SLC30A10: variants seen among roughly 807,000 people sequenced by gnomAD.
The protein encoded by SLC30A10 is solute carrier family 30 member 10.
In SLC30A10, 8 loss-of-function variants were observed where a neutral mutation model predicts 21.7. That is an observed-to-expected ratio of 0.37 (90% CI 0.22 to 0.67). The LOEUF is 0.67. SLC30A10 is among the 30% of genes least tolerant of loss of function. The probability of loss-of-function intolerance (pLI) is 0.58; values close to 1 mark genes in which losing one functional copy is unlikely to be tolerated. For missense variants in SLC30A10, 521 were observed against 642.5 expected (o/e 0.81, Z 2.04); for synonymous variants, 272 against 279.4 (o/e 0.97, Z 0.26).
chr1:219,946,010 A>C (rs1571812097), intron 1 of SLC30A10, among the ~76,000 whole-genome samples: 1 of 152,298 alleles, frequency 6.6e-6, no homozygotes, highest in Middle Eastern at 3.4e-3. Flanking sequence ...TTGTGGTTTT[A>C]CTTGCCTTTG....
chr1:219,921,599 A>G (rs1257902826), intron 2 of SLC30A10, among the ~76,000 whole-genome samples: 2 of 152,216 alleles, frequency 1.3e-5, no homozygotes, highest in East Asian at 1.9e-4. Flanking sequence ...ATTGCAACAA[A>G]TAATTCATGG....
intron 2 of SLC30A10, among the ~76,000 whole-genome samples, chr1:219,921,959 C>CAG (rs1385142751): frequency 7.8e-6 from 1 of 128,852 alleles, no homozygotes; most frequent in Non-Finnish European, 1.6e-5. Flanking sequence ...GAGAGAGAGA[C>CAG]AGAGAGAGAG....
chr1:219,953,624 G>C (rs913620245), intron 1 of SLC30A10, among the ~76,000 whole-genome samples: 1 of 151,288 alleles, frequency 6.6e-6, no homozygotes, highest in Non-Finnish European at 1.5e-5. Flanking sequence ...AAAAAGAAAA[G>C]AAAGAAAGAA....
chr1:219,920,229 C>A (rs1487145617), intron 2 of SLC30A10, among the ~76,000 whole-genome samples: 1 of 152,090 alleles, frequency 6.6e-6, no homozygotes, highest in Non-Finnish European at 1.5e-5. Flanking sequence ...CTCCCAACAC[C>A]CCACCCCCAA....
chr1:219,915,646 G>A lies in SLC30A10; in HGVS notation c.1261C>T (p.Pro421Ser), dbSNP rs977992336. 6.2e-7 allele frequency: 1 copy of A among 1,614,262 alleles called. No individual in the cohort carries two copies. Among genetic ancestry groups the A allele is most frequent in the South Asian group, 1.1e-5 (1 of 91,092 alleles). Reference sequence around the variant, plus strand: ...GCACAGCCATTGACGTGAGCCAGAGGCAGTGCCCCGGGGGGACAACACAGC... The same window carrying A: ...GCACAGCCATTGACGTGAGCCAGAGACAGTGCCCCGGGGGGACAACACAGC... ...KQLCCPPGAL[P>S]LAHVNGCAEH... Residue 421 changes from proline (P) to serine (S), a missense_variant, in exon 4 of 4, where the codon CCT becomes TCT. Physicochemically the swap from Pro to Ser is moderately conservative, Grantham distance 74 (BLOSUM62 -1). Coordinates refer to ENST00000366926, the MANE Select transcript of SLC30A10 (RefSeq NM_018713.3).
chr1:219,921,345 A>G (rs544943482), intron 2 of SLC30A10, among the ~76,000 whole-genome samples: 139 of 152,306 alleles, frequency 9.1e-4, no homozygotes, highest in Middle Eastern at 3.4e-3. Context: ...CACAGAATAC[A>G]TAAGTAACTT....
upstream of SLC30A10, among the ~76,000 whole-genome samples, chr1:219,958,978 A>T (rs1291988224): frequency 6.6e-6 from 1 of 152,208 alleles, no homozygotes; most frequent in African/African-American, 2.4e-5. Context: ...AACGACGCAC[A>T]TGAGGATTAA....
chr1:219,912,690 C>T lies in SLC30A10; in HGVS notation c.*2759G>A, dbSNP rs1458340038. On this transcript the variant is annotated 3_prime_UTR_variant, in exon 4 of 4. Transcript: ENST00000366926. ...TCTACTAAAAATACAAAAAATTAGC[C>T]GGGCATGGTGGCGAGCACCTGTAAT... Among the ~76,000 whole-genome samples the T allele has an allele frequency of 2.0e-5, 3 of 151,354 alleles. No homozygotes were observed. Among genetic ancestry groups the T allele is most frequent in the Non-Finnish European group, 2.9e-5 (2 of 67,830 alleles).
chr1:219,929,488 G>T (rs74414277), upstream of SLC30A10, among the ~76,000 whole-genome samples: 6,321 of 151,726 alleles, frequency 0.042, 313 homozygotes, highest in African/African-American at 0.12. Flanking sequence ...CAGTACAATC[G>T]ACTGACCTAC....
chr1:219,932,086 G>A (rs186412133), upstream of SLC30A10, among the ~76,000 whole-genome samples: 64 of 145,660 alleles, frequency 4.4e-4, no homozygotes, highest in Non-Finnish European at 3.0e-5. Flanking sequence ...TTTTTGAGAC[G>A]GAGTCTCACT....
upstream of SLC30A10, among the ~76,000 whole-genome samples, chr1:219,929,161 A>G (rs545881391): frequency 6.6e-6 from 1 of 152,150 alleles, no homozygotes; most frequent in Non-Finnish European, 1.5e-5. Context: ...CTTGTTCCTC[A>G]CAGCCATTAT....
At chr1:219,928,728 C>G (rs1343913617), upstream of SLC30A10, 3 of 370,656 alleles carry the variant, frequency 8.1e-6, no homozygotes, top group East Asian at 1.0e-4. This position sits in a 1 kb window ranked among gnomAD's most constrained non-coding sequence, Gnocchi z 6.3. Context: ...GGCAGGTGGC[C>G]ACGAGCCGAT....
intron 1 of SLC30A10, among the ~76,000 whole-genome samples, chr1:219,947,037 G>C (rs986340301): frequency 3.3e-5 from 5 of 152,064 alleles, no homozygotes; most frequent in African/African-American, 1.2e-4. Context: ...TTCAGGTAAA[G>C]AATTCTACAG....
At chr1:219,951,533 A>C (rs1435469738) in intron 1 of SLC30A10, among the ~76,000 whole-genome samples, 2 of 151,678 alleles carry the variant, frequency 1.3e-5, no homozygotes, top group Non-Finnish European at 2.9e-5. Flanking sequence ...CATCCTGGCT[A>C]ACATGGTGAA....
chr1:219,911,107 A>G lies in SLC30A10; in HGVS notation c.*4342T>C, dbSNP rs895366925. Among the ~76,000 whole-genome samples the G allele has an allele frequency of 1.6e-4, 20 of 129,022 alleles. No individual in the cohort carries two copies. Among genetic ancestry groups the G allele is most frequent in the Middle Eastern group, 9.3e-3 (2 of 216 alleles). The allele number at this position is 129,022 out of a possible 152,430, so 84.6% of individuals were successfully genotyped here. On this transcript the variant is annotated 3_prime_UTR_variant, in exon 4 of 4. Coordinates refer to ENST00000366926, the MANE Select transcript of SLC30A10 (RefSeq NM_018713.3). ...AGTCCGCGATCATTCATCCAAACTC[A>G]AAATTCAAATCAGGTCATGTTTCTT...
intron 2 of SLC30A10, among the ~76,000 whole-genome samples, chr1:219,926,318 T>C (rs150834855): frequency 4.6e-5 from 7 of 152,336 alleles, no homozygotes; most frequent in Admixed American, 1.3e-4. Flanking sequence ...TAATCCTTGT[T>C]GGAATTCTCA....
chr1:219,934,961 G>T (rs969904287), intron 1 of SLC30A10, among the ~76,000 whole-genome samples: 1 of 152,154 alleles, frequency 6.6e-6, no homozygotes, highest in African/African-American at 2.4e-5. Context: ...AAATGAAAGG[G>T]GTTATGGCTA....
rs561044029 is a variant in SLC30A10, at chr1:219,923,754, T to C, written c.718+3274A>G. 7.0e-4 allele frequency among the ~76,000 whole-genome samples: 106 copies of C among 152,270 alleles called. 1 individual carries two copies. In the South Asian group the frequency reaches 7.9e-3, roughly 11 times the overall value. On this transcript the variant is annotated intron_variant, in intron 2 of 3. Coordinates refer to ENST00000366926, the MANE Select transcript of SLC30A10 (RefSeq NM_018713.3). ...CCATACTTTACAGTAGAAGACAGAG[T>C]GTGTTCCTTAGAACTCATTTGTTTG...
intron 1 of SLC30A10, among the ~76,000 whole-genome samples, chr1:219,950,067 C>G (rs554001591): frequency 6.6e-6 from 1 of 152,170 alleles, no homozygotes; most frequent in Non-Finnish European, 1.5e-5. Context: ...GGCAAACTAT[C>G]TGTTGACAGA....
Sources: allele counts gnomAD v4.1 joint callset (sites outside exome capture counted in the v4.1 genomes callset), GRCh38; gene constraint gnomAD v4.1.1; non-coding constraint Gnocchi (gnomAD v3.1); transcripts MANE v1.5; gene names NCBI Gene and HGNC (gene_info 2026-07-23, HGNC 2026-07-21).